SRPRB: variants seen among roughly 807,000 people sequenced by gnomAD.
SRPRB encodes signal recognition particle receptor subunit beta.
In SRPRB, 20 loss-of-function variants were observed where a neutral mutation model predicts 31.9. That is an observed-to-expected ratio of 0.63 (90% CI 0.44 to 0.91). The LOEUF (loss-of-function observed/expected upper bound fraction) is 0.91, where lower values mean the gene tolerates loss of function less well. SRPRB is among the 40% of genes least tolerant of loss of function. The pLI is 0.00. For synonymous variants in SRPRB, 146 were observed against 132.8 expected, an observed-to-expected ratio of 1.10 and a Z score of -0.68; for missense variants, 321 against 324.9, an observed-to-expected ratio of 0.99 and a Z score of 0.09.
upstream of SRPRB, among the ~76,000 whole-genome samples, chr3:133,801,875 C>T (rs1346990406): frequency 3.3e-5 from 5 of 152,210 alleles, no homozygotes; most frequent in African/African-American, 9.6e-5. Context: ...TTAAGCCTCA[C>T]ATCTTAACCG....
At chr3:133,811,006 ATTTG>A (rs1935252758) in intron 3 of SRPRB, 107 bp from the exon 4 acceptor site, 1 of 993,518 alleles carries the variant, frequency 1.0e-6, no homozygotes, top group Admixed American at 2.5e-5. Context: ...CTTTGTGAAC[ATTTG>A]TTTGGTTAAT....
intron 5 of SRPRB, 45 bp downstream of exon 5, chr3:133,815,771 T>G: frequency 6.3e-7 from 1 of 1,597,336 alleles, no homozygotes; most frequent in Non-Finnish European, 8.6e-7. Flanking sequence ...TTTTTGGGGA[T>G]TGCTGCTACT....
rs1935373078 is a variant in SRPRB, at chr3:133,816,739, G to A, written c.548-139G>A. The A allele has an allele frequency of 2.1e-5, 12 of 571,098 alleles. No homozygotes were observed. In the South Asian group the frequency reaches 3.3e-4, roughly 16 times the overall value. 35.4% of individuals were successfully genotyped at this position (571,098 alleles called of 1,614,324 possible). ...TATAAAGCTTACTTTGATAGAGAAG[G>A]AACTAGTGATAAAAGGTCTTTTTTT... On this transcript the variant is annotated intron_variant, in intron 5 of 6. Transcript: ENST00000678299.
chr3:133,802,200 C>A (rs557480143), upstream of SRPRB, among the ~76,000 whole-genome samples: 4 of 151,726 alleles, frequency 2.6e-5, no homozygotes, highest in African/African-American at 9.7e-5. Flanking sequence ...AGCCCAGGAG[C>A]TCAAGACCAG....
Position 133,815,771 on chromosome 3 carries a change from T to C in SRPRB, c.547+45T>C, listed in dbSNP as rs193289148. On this transcript the variant is annotated intron_variant, in intron 5 of 6. Transcript: ENST00000678299. ...CAATAATAATTGAGTTTTTTGGGGA[T>C]TGCTGCTACTAAGAATTATTTCCAT... 9.5e-5 allele frequency: 151 copies of C among 1,597,336 alleles called. No individual in the cohort carries two copies. In the African/African-American group the frequency reaches 1.5e-3, roughly 16 times the overall value.
intron 5 of SRPRB, 32 bp from the exon 6 acceptor site, chr3:133,816,846 T>G (rs1463302192): frequency 1.3e-6 from 2 of 1,574,744 alleles, no homozygotes; most frequent in South Asian, 2.4e-5. Flanking sequence ...CATTCTCGTT[T>G]AAACTACAAC....
At position 133,805,865 on chromosome 3, in the gene SRPRB, C is replaced by CGCGCCGGGTGGCAGATGGCGGCG. The variant is rs774407149; in HGVS notation, c.19_41dup (p.Gly17TrpfsTer15). ...GTCTCATCCATGGCTTCCGCGGACT[C>CGCGCCGGGTGGCAGATGGCGGCG]GCGCCGGGTGGCAGATGGCGGCGGT... On this transcript the variant is annotated frameshift_variant, in exon 1 of 7. Transcript: ENST00000678299. LOFTEE classifies it high-confidence loss of function. 2 of 1,611,414 alleles carry CGCGCCGGGTGGCAGATGGCGGCG rather than the reference C, an allele frequency of 1.2e-6. No homozygotes were observed. The highest frequency in any genetic ancestry group is 1.7e-6 in the Non-Finnish European group (2 of 1,178,740).
downstream of SRPRB, chr3:133,826,845 C>G (rs1935572407): frequency 6.5e-6 from 1 of 152,694 alleles, no homozygotes; most frequent in Admixed American, 6.5e-5. Flanking sequence ...CAAGTTCCAA[C>G]TTGAGAGCAG....
intron 1 of SRPRB, chr3:133,787,239 C>T (rs1401782473): frequency 1.3e-5 from 2 of 152,148 alleles, no homozygotes; most frequent in East Asian, 3.8e-4. Flanking sequence ...ACATTTTGCA[C>T]ACTTTGTATT....
intron 1 of SRPRB, among the ~76,000 whole-genome samples, chr3:133,799,520 CAG>C (rs1443444514): frequency 1.3e-5 from 2 of 152,008 alleles, no homozygotes; most frequent in African/African-American, 4.8e-5. Context: ...CTTGGAAGGA[CAG>C]AGAAAAAAAT....
chr3:133,825,684 A>C (rs1935549690), downstream of SRPRB: 1 of 152,164 alleles, frequency 6.6e-6, no homozygotes, highest in East Asian at 1.9e-4. Context: ...TTTCCATCTT[A>C]CACTCAACTT....
chr3:133,808,838 C>T (rs1321619760), intron 3 of SRPRB, among the ~76,000 whole-genome samples: 1 of 138,506 alleles, frequency 7.2e-6, no homozygotes, highest in Admixed American at 7.6e-5. Context: ...GGCAGTGAGC[C>T]AAGATTGCGC....
At chr3:133,827,821 A>G (rs1559897022), downstream of SRPRB, 1 of 419,690 alleles carries the variant, frequency 2.4e-6, no homozygotes, top group Admixed American at 2.6e-5. Flanking sequence ...TCCAGGAGGA[A>G]GGCTTCAGGA....
Position 133,819,015 on chromosome 3 carries a change from C to T in SRPRB, c.603-538C>T, listed in dbSNP as rs992176048. ...GTTGCTTATGCACCCTTTATTAGGG[C>T]CAGCAGGTGGCAGTAAGGGGACTTA... is the stretch of plus-strand genomic sequence containing the variant. On this transcript the variant is annotated intron_variant, in intron 6 of 6. Transcript: ENST00000678299. 1.4e-4 allele frequency among the ~76,000 whole-genome samples: 21 copies of T among 152,144 alleles called. No homozygotes were observed. The South Asian group carries it at 2.9e-3, about 21-fold the overall frequency.
At chr3:133,805,733 C>A, upstream of SRPRB, 1 of 1,384,956 alleles carries the variant, frequency 7.2e-7, no homozygotes, top group Non-Finnish European at 9.6e-7. Flanking sequence ...ATCGCCGCGG[C>A]TGAGGGAGAG....
chr3:133,789,357 G>A (rs1212242703), intron 1 of SRPRB: 1 of 152,236 alleles, frequency 6.6e-6, no homozygotes, highest in Non-Finnish European at 1.5e-5. Flanking sequence ...CTCCTTTGGT[G>A]CTGTTTGACC....
At chr3:133,809,764 A>G (rs1343218260) in intron 3 of SRPRB, among the ~76,000 whole-genome samples, 1 of 152,214 alleles carries the variant, frequency 6.6e-6, no homozygotes, top group Non-Finnish European at 1.5e-5. Flanking sequence ...GGAAAAAAAG[A>G]ACGTAAAGTA....
At chr3:133,828,557 C>T (rs975770864), downstream of SRPRB, 4 of 579,052 alleles carry the variant, frequency 6.9e-6, no homozygotes, top group Non-Finnish European at 1.2e-5. Context: ...TAATAAAGTA[C>T]AATATATTAC....
upstream of SRPRB, among the ~76,000 whole-genome samples, chr3:133,803,237 C>T (rs1223866408): frequency 6.6e-6 from 1 of 152,098 alleles, no homozygotes; most frequent in East Asian, 1.9e-4. Context: ...CTATGTCACC[C>T]CAAATGAAAC....
Sources: allele counts gnomAD v4.1 joint callset (sites outside exome capture counted in the v4.1 genomes callset), GRCh38; gene constraint gnomAD v4.1.1; transcripts MANE v1.5; gene names NCBI Gene and HGNC (gene_info 2026-07-23, HGNC 2026-07-21).